NSD2: variants seen among roughly 807,000 people sequenced by gnomAD.
The protein encoded by NSD2 is histone-lysine N-methyltransferase NSD2.
A neutral mutation model predicts 139.0 loss-of-function variants in NSD2; 12 were observed. The observed-to-expected ratio is 0.09, with a 90% confidence interval of 0.06 to 0.14. The LOEUF is 0.14. NSD2 is among the 10% of genes least tolerant of loss of function. The pLI is 1.00. For missense variants in NSD2, 1,155 were observed against 1,745.0 expected, an observed-to-expected ratio of 0.66 and a Z score of 6.02; for synonymous variants, 669 against 648.7, an observed-to-expected ratio of 1.03 and a Z score of -0.48.
chr4:1,946,038 C>T (rs2108920867), intron 9 of NSD2: 1 of 1,035,466 alleles, frequency 9.7e-7, no homozygotes, highest in Non-Finnish European at 1.2e-6. Flanking sequence ...ACATTTTATG[C>T]TTTTAAAATC....
Position 1,947,721 on chromosome 4 carries a change from C to T in NSD2, c.1882-3351C>T, listed in dbSNP as rs1290536174. 2.8e-6 allele frequency: 3 copies of T among 1,053,260 alleles called. No individual in the cohort carries two copies. The East Asian group carries it at 1.6e-4, about 57-fold the overall frequency. The allele number at this position is 1,053,260 out of a possible 1,614,324, so 65.2% of individuals were successfully genotyped here. ...TGGAGGTACTTCTCGCCATCAGCTT[C>T]CTTCTTTACAAAACCATCATTTCAA... On this transcript the variant is annotated intron_variant, in intron 9 of 21. Coordinates refer to ENST00000508803, the MANE Select transcript of NSD2 (RefSeq NM_001042424.3).
At chr4:1,953,260 G>C (rs752188446) in intron 11 of NSD2, 64 bp from the exon 12 acceptor site, 1 of 1,613,706 alleles carries the variant, frequency 6.2e-7, no homozygotes, top group South Asian at 1.1e-5. Context: ...TAGTGGCTCA[G>C]AACTGCAATT....
chr4:1,967,941 T>A (rs1353291820), intron 18 of NSD2, among the ~76,000 whole-genome samples: 1 of 152,202 alleles, frequency 6.6e-6, no homozygotes, highest in Non-Finnish European at 1.5e-5. Context: ...GTCAGTCTGG[T>A]GTCTTATTGT....
intron 1 of NSD2, among the ~76,000 whole-genome samples, chr4:1,898,515 T>G (rs542776809): frequency 5.9e-5 from 9 of 151,944 alleles, no homozygotes; most frequent in African/African-American, 1.9e-4. Flanking sequence ...ATACAAAAAA[T>G]TAGCCGGGCG....
At chr4:1,941,147 T>C (rs1723052273) in intron 9 of NSD2, 25 of 1,054,682 alleles carry the variant, frequency 2.4e-5, no homozygotes, top group Non-Finnish European at 2.8e-5. Flanking sequence ...TTTTCCTTTC[T>C]TTCTTGTCCA....
intron 3 of NSD2, 87 bp from the exon 4 acceptor site, chr4:1,916,784 G>A (rs2108799841): frequency 7.3e-7 from 1 of 1,370,406 alleles, no homozygotes; most frequent in East Asian, 2.4e-5. Flanking sequence ...CAACACCAAG[G>A]GAAACAACTG....
intron 1 of NSD2, among the ~76,000 whole-genome samples, chr4:1,892,587 A>G (rs1401920445): frequency 6.6e-6 from 1 of 150,696 alleles, no homozygotes; most frequent in Non-Finnish European, 1.5e-5. Context: ...TTTTTTTGAG[A>G]CGGAGTCTTG....
chr4:1,928,612 G>C (rs1341881173), intron 5 of NSD2, among the ~76,000 whole-genome samples: 2 of 152,172 alleles, frequency 1.3e-5, no homozygotes, highest in East Asian at 3.9e-4. Flanking sequence ...GTGAGGCGTG[G>C]TGGCTGTCTT....
chr4:1,921,097 T>C (rs1401067658), intron 5 of NSD2, among the ~76,000 whole-genome samples: 2 of 152,188 alleles, frequency 1.3e-5, no homozygotes, highest in African/African-American at 4.8e-5. Flanking sequence ...AAAGGGAACT[T>C]CCTAAATCTG....
intron 18 of NSD2, among the ~76,000 whole-genome samples, chr4:1,970,226 C>A (rs983836735): frequency 6.6e-6 from 1 of 152,092 alleles, no homozygotes; most frequent in Non-Finnish European, 1.5e-5. Flanking sequence ...GGCAAAAAAA[C>A]AAAACAAAAA....
intron 1 of NSD2, among the ~76,000 whole-genome samples, chr4:1,888,942 G>C (rs984642075): frequency 6.6e-6 from 1 of 150,422 alleles, no homozygotes; most frequent in Non-Finnish European, 1.5e-5. Context: ...CTGTTGGCCA[G>C]GGTGGAGTGC....
rs1723254660 is a variant in NSD2, at chr4:1,942,995, GTAT to G, written c.1881+3222_1881+3224del. ...TTTTTAGAAAAAAATACCATTTACA[GTAT>G]TATTGTGAACCATTTAACCCTTTTG... On this transcript the variant is annotated intron_variant, in intron 9 of 21. Transcript: ENST00000508803. The surrounding 1 kb of genome is among the most constrained non-coding windows in gnomAD (Gnocchi z 4.0). The G allele has an allele frequency of 4.8e-6, 5 of 1,051,174 alleles. No individual in the cohort carries two copies. Among genetic ancestry groups the G allele is most frequent in the Middle Eastern group, 4.3e-4 (1 of 2,318 alleles). 65.1% of individuals were successfully genotyped at this position (1,051,174 alleles called of 1,614,324 possible).
Position 1,978,505 on chromosome 4 carries a change from C to T in NSD2, c.3827-133C>T, listed in dbSNP as rs752946171. 4.1e-5 allele frequency: 53 copies of T among 1,305,762 alleles called. No homozygotes were observed. In the Admixed American group the frequency reaches 8.0e-4, roughly 20 times the overall value. The allele number at this position is 1,305,762 out of a possible 1,614,324, so 80.9% of individuals were successfully genotyped here. On this transcript the variant is annotated intron_variant, in intron 21 of 21. Coordinates refer to ENST00000508803, the MANE Select transcript of NSD2 (RefSeq NM_001042424.3). ...GGGCTGTGGTAGACAGTTTGTCTGC[C>T]CGTCCTGTTCGCTGGAGCCAGCACT...
At position 1,898,690 on chromosome 4, in the gene NSD2, C is replaced by CTT. The variant is rs79385915; in HGVS notation, c.-29-1921_-29-1920dup. Among the ~76,000 whole-genome samples the CTT allele has an allele frequency of 9.0e-4, 121 of 134,834 alleles. 4 individuals carry two copies. The highest frequency in any genetic ancestry group is 2.6e-3 in the African/African-American group (91 of 35,620). The allele number at this position is 134,834 out of a possible 152,430, so 88.5% of individuals were successfully genotyped here. On this transcript the variant is annotated intron_variant, in intron 1 of 21. Coordinates refer to ENST00000508803, the MANE Select transcript of NSD2 (RefSeq NM_001042424.3). ...AAAAAAACAAAAAACAAAAAACACA[C>CTT]TTTTTTTTTTTTTTTTGTCCAGCAG...
intron 3 of NSD2, among the ~76,000 whole-genome samples, chr4:1,914,221 C>G (rs1719059075): frequency 6.6e-6 from 1 of 152,010 alleles, no homozygotes; most frequent in Non-Finnish European, 1.5e-5. Context: ...TGGGGTTTTG[C>G]TATGTCGGCC....
intron 5 of NSD2, among the ~76,000 whole-genome samples, chr4:1,927,567 A>ATAC (rs1229190444): frequency 4.6e-4 from 70 of 151,792 alleles, no homozygotes; most frequent in African/African-American, 1.6e-3. Context: ...AAAAATACAA[A>ATAC]AAGTAGCCAG....
chr4:1,940,124 T>C (rs1448190522), intron 9 of NSD2: 1 of 1,153,336 alleles, frequency 8.7e-7, no homozygotes, highest in African/African-American at 1.5e-5. Flanking sequence ...TAAGTCTGCG[T>C]TGGTTCTGAA....
chr4:1,937,345 C>T (rs1414866463), intron 7 of NSD2, among the ~76,000 whole-genome samples: 2 of 152,146 alleles, frequency 1.3e-5, no homozygotes, highest in Non-Finnish European at 2.9e-5. Flanking sequence ...TGAGCCACTG[C>T]GGCTGGCCAG....
At position 1,976,342 on chromosome 4, in the gene NSD2, C is replaced by T. The variant is rs1727078590; in HGVS notation, c.3622-133C>T. 1.1e-6 allele frequency: 1 copy of T among 945,506 alleles called. No individual in the cohort carries two copies. Among genetic ancestry groups the T allele is most frequent in the South Asian group, 1.6e-5 (1 of 60,744 alleles). 58.6% of individuals were successfully genotyped at this position (945,506 alleles called of 1,614,324 possible). A position where few individuals can be genotyped will look rare whatever the true frequency, so the allele number is the denominator to read the frequency against. ...GTCTGGGGAGCACGAGGAGGACACT[C>T]CTCTCCTCTCCTCTTAGTGTTGGGC... is the stretch of plus-strand genomic sequence containing the variant. On this transcript the variant is annotated intron_variant, in intron 20 of 21. Coordinates refer to ENST00000508803, the MANE Select transcript of NSD2 (RefSeq NM_001042424.3). This position sits in a 1 kb window ranked among gnomAD's most constrained non-coding sequence, Gnocchi z 5.3.
Sources: gnomAD v4.1 joint callset for allele counts (sites outside exome capture counted in the v4.1 genomes callset) on GRCh38, gnomAD v4.1.1 for gene constraint, Gnocchi (gnomAD v3.1) non-coding constraint, MANE v1.5 for transcripts, NCBI Gene and HGNC (gene_info 2026-07-23, HGNC 2026-07-21) for gene names.